SLC4A4: variants seen among roughly 807,000 people sequenced by gnomAD.
The protein encoded by SLC4A4 is electrogenic sodium bicarbonate cotransporter 1.
SLC4A4 carries 27 observed loss-of-function variants against 111.5 expected under a neutral mutation model. The ratio of observed to expected loss-of-function variants is 0.24; its 90% CI spans 0.18 to 0.33. The LOEUF (loss-of-function observed/expected upper bound fraction) is 0.33. Among genes scored for constraint, SLC4A4 ranks in the 10% least tolerant of loss-of-function variants. SLC4A4 has a pLI of 1.00. For missense variants in SLC4A4, 909 were observed against 1,315.5 expected (o/e 0.69, Z 4.78); for synonymous variants, 443 against 463.4 (o/e 0.96, Z 0.57).
At chr4:71,435,288 G>C (rs563604628) in intron 7 of SLC4A4, among the ~76,000 whole-genome samples, 13 of 152,124 alleles carry the variant, frequency 8.5e-5, no homozygotes, top group Non-Finnish European at 5.9e-5. Context: ...TGACAAACCA[G>C]ACAAAAACAA....
chr4:71,151,942 G>C (rs931171602), intron 2 of SLC4A4, among the ~76,000 whole-genome samples: 1 of 151,736 alleles, frequency 6.6e-6, no homozygotes, highest in East Asian at 1.9e-4. Flanking sequence ...GTGTACACCT[G>C]TAGTCCCAGG....
intron 2 of SLC4A4, among the ~76,000 whole-genome samples, chr4:71,109,193 G>T (rs1560724245): frequency 6.6e-6 from 1 of 152,000 alleles, no homozygotes; most frequent in Admixed American, 6.6e-5. Context: ...CTGAGAATCT[G>T]CCTTAGGTAT....
intron 17 of SLC4A4, 129 bp from the exon 18 acceptor site, chr4:71,534,098 C>G (rs1229368880): frequency 9.1e-6 from 7 of 771,464 alleles, no homozygotes; most frequent in Non-Finnish European, 1.1e-5. Context: ...TTCTCTAGCT[C>G]ATAACTGTTT....
rs1465913035 is a variant in SLC4A4 at position 71,571,675 on chromosome 4, A to T, written c.*3924A>T. 1 of 152,406 alleles carries T rather than the reference A, an allele frequency of 6.6e-6. No homozygotes were observed. Among genetic ancestry groups the T allele is most frequent in the East Asian group, 1.9e-4 (1 of 5,138 alleles). The allele number at this position is 152,406 out of a possible 1,614,324, so 9.4% of individuals were successfully genotyped here. A position where few individuals can be genotyped will look rare whatever the true frequency, so the allele number is the denominator to read the frequency against. ...TTAGAGCCAGAAGTAACTTTGTCCC[A>T]GTCCTACAATGTGAAAAGAGTGAAT... On this transcript the variant is annotated 3_prime_UTR_variant, in exon 26 of 26. Transcript: ENST00000264485.
At chr4:71,122,335 A>C (rs1743457171) in intron 2 of SLC4A4, among the ~76,000 whole-genome samples, 1 of 135,716 alleles carries the variant, frequency 7.4e-6, no homozygotes, top group East Asian at 2.2e-4. Flanking sequence ...AAAAAAAAAA[A>C]ATTGATCTGA....
At chr4:71,249,293 T>C (rs536441697) in intron 2 of SLC4A4, among the ~76,000 whole-genome samples, 1 of 152,174 alleles carries the variant, frequency 6.6e-6, no homozygotes, top group Non-Finnish European at 1.5e-5. Flanking sequence ...TATACATAAA[T>C]GACATATGTA....
Position 71,348,770 on chromosome 4 carries a change from G to A in SLC4A4, c.390-1142G>A, listed in dbSNP as rs73826271. 7.9e-3 allele frequency among the ~76,000 whole-genome samples: 1,201 copies of A among 152,062 alleles called. 17 individuals are homozygous for A. Among genetic ancestry groups the A allele is most frequent in the African/African-American group, 0.026 (1,063 of 41,486 alleles). On this transcript the variant is annotated intron_variant, in intron 4 of 25. Transcript: ENST00000264485. ...AATGTGTTTTTTTTTCCCCTCCTCT[G>A]GGGGTGGTAAGAGGTCTATAAATAA...
At chr4:71,405,355 A>C (rs1720748065) in intron 7 of SLC4A4, among the ~76,000 whole-genome samples, 1 of 152,148 alleles carries the variant, frequency 6.6e-6, no homozygotes, top group Non-Finnish European at 1.5e-5. Context: ...TTTCTATATA[A>C]ATAATAAAAA....
chr4:71,274,933 G>T (rs937722196), intron 3 of SLC4A4, among the ~76,000 whole-genome samples: 1 of 151,988 alleles, frequency 6.6e-6, no homozygotes, highest in African/African-American at 2.4e-5. Context: ...GGAAATAAAT[G>T]CAAAATAAAA....
intron 9 of SLC4A4, among the ~76,000 whole-genome samples, chr4:71,449,850 AT>A (rs1388571367): frequency 1.3e-5 from 2 of 152,184 alleles, no homozygotes; most frequent in Non-Finnish European, 2.9e-5. Context: ...TAGACAGATG[AT>A]TGACTATTTA....
chr4:71,127,031 C>T (rs1483946824), intron 2 of SLC4A4, among the ~76,000 whole-genome samples: 1 of 152,142 alleles, frequency 6.6e-6, no homozygotes, highest in Non-Finnish European at 1.5e-5. Context: ...TAAATATATC[C>T]CACTAAACCC....
intron 2 of SLC4A4, among the ~76,000 whole-genome samples, chr4:71,105,375 C>G (rs1364155318): frequency 1.7e-4 from 25 of 147,026 alleles, no homozygotes; most frequent in African/African-American, 6.6e-4. Flanking sequence ...CAATGCCATC[C>G]CCATCAAGCT....
chr4:71,106,346 G>A (rs1424408480), intron 2 of SLC4A4, among the ~76,000 whole-genome samples: 59 of 151,314 alleles, frequency 3.9e-4, no homozygotes, highest in African/African-American at 1.2e-3. Context: ...TAGTTCAACC[G>A]TTGTGGAAGT....
intron 13 of SLC4A4, among the ~76,000 whole-genome samples, chr4:71,467,154 G>A (rs1162463013): frequency 3.9e-5 from 6 of 152,048 alleles, no homozygotes; most frequent in Non-Finnish European, 5.9e-5. Context: ...CCTGAAGTTA[G>A]TAGTGGCTTC....
intron 15 of SLC4A4, among the ~76,000 whole-genome samples, chr4:71,490,174 C>G (rs1481325710): frequency 6.6e-6 from 1 of 151,760 alleles, no homozygotes; most frequent in Non-Finnish European, 1.5e-5. Flanking sequence ...TTAGCCACAG[C>G]TTGTTCACAC....
At chr4:71,487,490 TA>T (rs1279529057) in intron 15 of SLC4A4, among the ~76,000 whole-genome samples, 4 of 151,596 alleles carry the variant, frequency 2.6e-5, no homozygotes, top group Non-Finnish European at 5.9e-5. Flanking sequence ...TGTCACATGA[TA>T]TCCTTTCCCA....
At chr4:71,150,688 G>A (rs1744292365) in intron 2 of SLC4A4, among the ~76,000 whole-genome samples, 1 of 152,166 alleles carries the variant, frequency 6.6e-6, no homozygotes, top group African/African-American at 2.4e-5. Flanking sequence ...GTGCAGAGAT[G>A]GAAATGGGAG....
At chr4:71,279,036 G>A (rs1029172082) in intron 3 of SLC4A4, among the ~76,000 whole-genome samples, 24 of 152,182 alleles carry the variant, frequency 1.6e-4, no homozygotes, top group African/African-American at 5.5e-4. Flanking sequence ...CCATAATCAA[G>A]CTAATTTACA....
intron 1 of SLC4A4, among the ~76,000 whole-genome samples, chr4:71,080,341 G>A (rs1236938808): frequency 2.0e-5 from 3 of 152,048 alleles, no homozygotes; most frequent in African/African-American, 4.8e-5. Flanking sequence ...TCTCCTAGAT[G>A]TCAACTGATG....
Sources: gnomAD v4.1 joint callset for allele counts (sites outside exome capture counted in the v4.1 genomes callset) on GRCh38, gnomAD v4.1.1 for gene constraint, MANE v1.5 for transcripts, NCBI Gene and HGNC (gene_info 2026-07-23, HGNC 2026-07-21) for gene names.